HIPK2: variants seen among roughly 807,000 people sequenced by gnomAD.
HIPK2 encodes the protein homeodomain-interacting protein kinase 2.
A neutral mutation model predicts 113.7 loss-of-function variants in HIPK2; 27 were observed. That is an observed-to-expected ratio of 0.24 (90% CI 0.17 to 0.33). HIPK2 has a LOEUF of 0.33. Ranked by LOEUF, HIPK2 falls within the 10% of genes least tolerant of loss-of-function variation. The pLI is 1.00. For synonymous variants in HIPK2, 631 were observed against 642.2 expected, an observed-to-expected ratio of 0.98 and a Z score of 0.26; for missense variants, 1,257 against 1,588.0, an observed-to-expected ratio of 0.79 and a Z score of 3.54.
intron 2 of HIPK2, among the ~76,000 whole-genome samples, chr7:139,672,834 G>A (rs9719152): frequency 0.45 from 68,794 of 152,030 alleles, 17,008 homozygotes; most frequent in Non-Finnish European, 0.56. Context: ...TTTAATCATC[G>A]CAGGTTGTCT....
intron 2 of HIPK2, among the ~76,000 whole-genome samples, chr7:139,708,258 G>A (rs1794963993): frequency 6.6e-6 from 1 of 152,170 alleles, no homozygotes; most frequent in Admixed American, 6.5e-5. Flanking sequence ...TGATGGATAT[G>A]CCTATGGCAT....
At position 139,613,399 on chromosome 7, in the gene HIPK2, G is replaced by C; in HGVS notation, c.1991-76C>G. 6.4e-7 allele frequency: 1 copy of C among 1,553,162 alleles called. No homozygotes were observed. On this transcript the variant is annotated intron_variant, in intron 8 of 14. Coordinates refer to ENST00000406875, the MANE Select transcript of HIPK2 (RefSeq NM_022740.5). The surrounding 1 kb of genome is among the most constrained non-coding windows in gnomAD (Gnocchi z 4.2). ...AGCTGGATGAAAAGAACCTTCCTGG[G>C]CAGTTATGTCAACTTTCTGCTTCCC...
chr7:139,640,440 T>C (rs1800971047), intron 2 of HIPK2, among the ~76,000 whole-genome samples: 1 of 152,140 alleles, frequency 6.6e-6, no homozygotes, highest in Non-Finnish European at 1.5e-5. Flanking sequence ...GATCCCAGTG[T>C]TCACCGGGTT....
chr7:139,600,675 C>T (rs1259522903), intron 10 of HIPK2, 79 bp from the exon 11 acceptor site: 2 of 1,490,736 alleles, frequency 1.3e-6, no homozygotes, highest in East Asian at 4.6e-5. Flanking sequence ...AGCTTCCTCC[C>T]CAATTAAACG....
intron 13 of HIPK2, among the ~76,000 whole-genome samples, chr7:139,582,781 G>A (rs1049594736): frequency 5.9e-5 from 9 of 152,224 alleles, no homozygotes; most frequent in Non-Finnish European, 1.0e-4. Context: ...TTGGGAGAGC[G>A]TGCCAGGGCT....
chr7:139,624,537 C>G (rs1287402356), intron 6 of HIPK2, among the ~76,000 whole-genome samples: 1 of 152,204 alleles, frequency 6.6e-6, no homozygotes, highest in African/African-American at 2.4e-5. Flanking sequence ...TGAAATTGCT[C>G]CACCTCCAGA....
intron 2 of HIPK2, among the ~76,000 whole-genome samples, chr7:139,665,558 ACATCCATCCATCCATCCATC>A (rs71170908): frequency 4.0e-5 from 6 of 148,188 alleles, no homozygotes; most frequent in African/African-American, 1.2e-4. Context: ...CCTCCTGGCC[ACATCCATCCATCCATCCATC>A]CATCCATCCA....
At chr7:139,712,808 T>C (rs1795110986) in intron 2 of HIPK2, among the ~76,000 whole-genome samples, 1 of 152,174 alleles carries the variant, frequency 6.6e-6, no homozygotes, top group Non-Finnish European at 1.5e-5. Context: ...GACAGAGCAC[T>C]AGAGACTGTC....
chr7:139,669,739 T>G (rs1802196260), intron 2 of HIPK2, among the ~76,000 whole-genome samples: 1 of 152,132 alleles, frequency 6.6e-6, no homozygotes, highest in Non-Finnish European at 1.5e-5. Flanking sequence ...AAAACTACAA[T>G]TACGCTAGGC....
Position 139,664,970 on chromosome 7 carries a change from TAAC to T in HIPK2, c.1104-33248_1104-33246del, listed in dbSNP as rs1801997072. ...ATACAGAGTGTCTCTAACACCACCA[TAAC>T]AACAGTTTCCAAAGGCTTAAAATTC... On this transcript the variant is annotated intron_variant, in intron 2 of 14. Transcript: ENST00000406875. Among the ~76,000 whole-genome samples, 4 of 152,178 alleles carry T rather than the reference TAAC, an allele frequency of 2.6e-5. No homozygotes were observed. The South Asian group carries it at 6.2e-4, about 24-fold the overall frequency.
In HIPK2 at chr7:139,599,623, G is replaced by C. The variant is rs540420228; in HGVS notation, c.2435+794C>G. On this transcript the variant is annotated intron_variant, in intron 11 of 14. Transcript: ENST00000406875. ...AAGCTATTGCTTCTATTTAAGCAAG[G>C]TGCTAAATCAGTTAAACTTCTGATC... Among the ~76,000 whole-genome samples, 43 of 152,304 alleles carry C rather than the reference G, an allele frequency of 2.8e-4. No individual in the cohort carries two copies. In the South Asian group the frequency reaches 5.8e-3, roughly 21 times the overall value.
At chr7:139,592,993 C>T (rs190234076) in intron 12 of HIPK2, among the ~76,000 whole-genome samples, 58 of 152,298 alleles carry the variant, frequency 3.8e-4, no homozygotes, top group African/African-American at 1.2e-3. Flanking sequence ...CTCTGACAAA[C>T]GCCCAGCACC....
chr7:139,637,739 A>G (rs1800859735), intron 2 of HIPK2, among the ~76,000 whole-genome samples: 1 of 152,224 alleles, frequency 6.6e-6, no homozygotes, highest in African/African-American at 2.4e-5. Flanking sequence ...TAAATATAAG[A>G]AAGTGTTAAA....
chr7:139,657,721 T>C (rs1247598910), intron 2 of HIPK2, among the ~76,000 whole-genome samples: 1 of 152,222 alleles, frequency 6.6e-6, no homozygotes, highest in Non-Finnish European at 1.5e-5. Context: ...TGTTTCTAGG[T>C]GTAGCAGTTT....
intron 1 of HIPK2, among the ~76,000 whole-genome samples, chr7:139,733,400 A>C (rs1795850002): frequency 6.6e-6 from 1 of 152,208 alleles, no homozygotes; most frequent in Non-Finnish European, 1.5e-5. Flanking sequence ...TTTTCCATGT[A>C]ACATTTTAAC....
chr7:139,679,365 C>T (rs573381348), intron 2 of HIPK2, among the ~76,000 whole-genome samples: 27 of 152,254 alleles, frequency 1.8e-4, no homozygotes, highest in Admixed American at 1.7e-3. Flanking sequence ...ATTGGCAACA[C>T]CTGAATTTTG....
rs762639929 is a variant in HIPK2 at position 139,716,856 on chromosome 7, G to A, written c.179C>T (p.Ser60Leu). The A allele has an allele frequency of 1.4e-5, 22 of 1,613,742 alleles. No homozygotes were observed. Among genetic ancestry groups the A allele is most frequent in the East Asian group, 2.2e-5 (1 of 44,870 alleles). Residue 60 changes from serine to leucine, a missense_variant, in exon 2 of 15, where the codon TCG (serine) becomes TTG (leucine). Physicochemically the swap from Ser to Leu is moderately radical, Grantham distance 145. Transcript: ENST00000406875. The surrounding 1 kb of genome is among the most constrained non-coding windows in gnomAD (Gnocchi z 9.3). ...GCTGACGGTTGTGGTGGCTGGCTGC[G>A]ACAGGGGGATGTTCTTGCTCTGGCT... ...VYSQSKNIPL[S>L]QPATTTVSTS...
intron 1 of HIPK2, among the ~76,000 whole-genome samples, chr7:139,748,683 C>T (rs1179974195): frequency 6.6e-6 from 1 of 151,870 alleles, no homozygotes; most frequent in Non-Finnish European, 1.5e-5. Context: ...TTTAGTGGGA[C>T]CTCATCTTAA....
chr7:139,772,409 A>T (rs1020326374), intron 1 of HIPK2, among the ~76,000 whole-genome samples: 2 of 152,262 alleles, frequency 1.3e-5, no homozygotes, highest in African/African-American at 2.4e-5. Context: ...TTGCATTGGC[A>T]AGGATATAAA....
Sources: gnomAD v4.1 joint callset for allele counts (sites outside exome capture counted in the v4.1 genomes callset) on GRCh38, gnomAD v4.1.1 for gene constraint, Gnocchi (gnomAD v3.1) non-coding constraint, MANE v1.5 for transcripts, NCBI Gene and HGNC (gene_info 2026-07-23, HGNC 2026-07-21) for gene names.